Variants in NEK10 observed in about 807,000 individuals in gnomAD.
NEK10 encodes NIMA related kinase 10.
Under a neutral mutation model 159.8 loss-of-function variants are expected in NEK10, and 122 were observed. The observed-to-expected ratio is 0.76, with a 90% CI of 0.66 to 0.89. NEK10 has a LOEUF of 0.89. Among genes scored for constraint, NEK10 ranks in the 40% least tolerant of loss-of-function variants. NEK10 has a pLI of 0.00. For missense variants in NEK10, 1,342 were observed against 1,323.1 expected (o/e 1.01, Z -0.22); for synonymous variants, 466 against 457.1 (o/e 1.02, Z -0.25).
chr3:27,114,363 A>G (rs1053755209), intron 35 of NEK10, among the ~76,000 whole-genome samples: 1 of 152,162 alleles, frequency 6.6e-6, no homozygotes, highest in African/African-American at 2.4e-5. Flanking sequence ...AGTTGTGGAG[A>G]TGGTAATTTC....
rs556715841 is a variant in NEK10 at position 27,179,971 on chromosome 3, C to T, written c.2506-5138G>A. ...TGGCAGGCACCTGTAATCCCAGGTA[C>T]TCGCAAGGCTGAAGCACGAGAATTG... On this transcript the variant is annotated intron_variant, in intron 26 of 35. Coordinates refer to ENST00000691995, the MANE Select transcript of NEK10 (RefSeq NM_001394966.1). Among the ~76,000 whole-genome samples the T allele has an allele frequency of 1.1e-4, 16 of 152,034 alleles. No individual in the cohort carries two copies. In the East Asian group the frequency reaches 2.5e-3, roughly 24 times the overall value.
Position 27,308,946 on chromosome 3 carries a change from A to G in NEK10, c.696T>C (p.Ala232=), listed in dbSNP as rs769411062. Residue 232 remains alanine, a synonymous_variant, in exon 10 of 36, where the codon GCT becomes GCC. Coordinates refer to ENST00000691995, the MANE Select transcript of NEK10 (RefSeq NM_001394966.1). ...CTTACCTTTCTGCTAAACTAGCCAGAGCCAGAAGGGAACCCAATAGAACAT... is the reference window on the plus strand; with the variant it reads ...CTTACCTTTCTGCTAAACTAGCCAGGGCCAGAAGGGAACCCAATAGAACAT... ...DTNVLLGSLL[A]LASLAESQEC... 4 of 1,594,572 alleles carry G rather than the reference A, an allele frequency of 2.5e-6. No homozygotes were observed. Among genetic ancestry groups the G allele is most frequent in the Non-Finnish European group, 3.4e-6 (4 of 1,163,644 alleles).
intron 26 of NEK10, among the ~76,000 whole-genome samples, chr3:27,179,841 G>A (rs932494808): frequency 6.6e-6 from 1 of 152,180 alleles, no homozygotes; most frequent in African/African-American, 2.4e-5. Flanking sequence ...AGCACTTCAG[G>A]AGGCTGAGGC....
chr3:27,352,960 G>A lies in NEK10; in HGVS notation c.-37-41C>T, dbSNP rs1032284762. 80 of 966,078 alleles carry A rather than the reference G, an allele frequency of 8.3e-5. 1 individual carries two copies. Among genetic ancestry groups the A allele is most frequent in the East Asian group, 7.6e-4 (31 of 40,978 alleles). The allele number at this position is 966,078 out of a possible 1,614,324, so 59.8% of individuals were successfully genotyped here. ...AGAGGGAAAATTTTAGTTGGGTTGC[G>A]TGTGCCAAAATATTCTCAGTTAATA... On this transcript the variant is annotated intron_variant, in intron 1 of 35. Transcript: ENST00000691995.
At chr3:27,251,231 T>C (rs1436130293) in intron 23 of NEK10, among the ~76,000 whole-genome samples, 1 of 152,208 alleles carries the variant, frequency 6.6e-6, no homozygotes, top group Non-Finnish European at 1.5e-5. Context: ...ATTCTAGAGT[T>C]TGTGCTCTTG....
chr3:27,156,496 T>A (rs927965081), intron 30 of NEK10, among the ~76,000 whole-genome samples: 1 of 151,992 alleles, frequency 6.6e-6, no homozygotes, highest in African/African-American at 2.4e-5. Flanking sequence ...GCCAAAGATA[T>A]GAATAGACAA....
At chr3:27,118,023 A>G (rs547765048) in intron 33 of NEK10, among the ~76,000 whole-genome samples, 87 of 152,170 alleles carry the variant, frequency 5.7e-4, no homozygotes, top group African/African-American at 2.0e-3. Flanking sequence ...CCCAGTTTCA[A>G]TTTTCTGCAT....
At chr3:27,171,898 T>C (rs778142271) in intron 28 of NEK10, 25 bp from the exon 29 acceptor site, 69 of 1,596,392 alleles carry the variant, frequency 4.3e-5, no homozygotes, top group Non-Finnish European at 5.7e-5. Flanking sequence ...TAGAAATAAC[T>C]TTACATTATT....
intron 13 of NEK10, among the ~76,000 whole-genome samples, chr3:27,301,068 C>T (rs1245672245): frequency 1.3e-5 from 2 of 152,156 alleles, no homozygotes; most frequent in Non-Finnish European, 1.5e-5. Flanking sequence ...CTGTGGGCCG[C>T]TCTAGGGCAC....
At chr3:27,287,894 T>C (rs1391082619) in intron 19 of NEK10, among the ~76,000 whole-genome samples, 151 bp from the exon 20 acceptor site, 1 of 152,222 alleles carries the variant, frequency 6.6e-6, no homozygotes, top group East Asian at 1.9e-4. Flanking sequence ...CGAACTGAGA[T>C]TGTTGTGATT....
intron 23 of NEK10, among the ~76,000 whole-genome samples, chr3:27,221,409 T>C (rs150500354): frequency 1.2e-3 from 182 of 152,346 alleles, no homozygotes; most frequent in African/African-American, 3.8e-3. Flanking sequence ...TGAGATACCA[T>C]GTCATACCCA....
At chr3:27,130,445 T>C (rs1031424620) in intron 32 of NEK10, among the ~76,000 whole-genome samples, 1 of 151,978 alleles carries the variant, frequency 6.6e-6, no homozygotes, top group Admixed American at 6.6e-5. Context: ...ATCTTCTCTA[T>C]CAGGAGAGGA....
chr3:27,166,609 C>T (rs1375916125), intron 29 of NEK10, among the ~76,000 whole-genome samples: 1 of 152,164 alleles, frequency 6.6e-6, no homozygotes, highest in Non-Finnish European at 1.5e-5. Flanking sequence ...CGAGGTCTTT[C>T]CAGTCACAAA....
At chr3:27,250,432 T>G (rs1428933588) in intron 23 of NEK10, among the ~76,000 whole-genome samples, 2 of 152,266 alleles carry the variant, frequency 1.3e-5, no homozygotes, top group African/African-American at 4.8e-5. Flanking sequence ...GTGATCCACC[T>G]GCCTTGGTCT....
At chr3:27,290,840 A>G in intron 18 of NEK10, 86 bp from the exon 19 acceptor site, 4 of 1,013,372 alleles carry the variant, frequency 3.9e-6, no homozygotes, top group Non-Finnish European at 5.8e-6. Flanking sequence ...ATAGACTAAC[A>G]AAGTCACATG....
chr3:27,293,523 T>C, intron 16 of NEK10, 65 bp downstream of exon 16: 1 of 811,308 alleles, frequency 1.2e-6, no homozygotes, highest in Non-Finnish European at 2.0e-6. Flanking sequence ...GCCAAGTATG[T>C]GAAAACAGTT....
chr3:27,364,312 C>T (rs576105054), intron 1 of NEK10, among the ~76,000 whole-genome samples: 27 of 150,606 alleles, frequency 1.8e-4, no homozygotes, highest in African/African-American at 5.9e-4. Flanking sequence ...TCCCAAGTGG[C>T]TGGAATTGCA....
At chr3:27,198,038 CA>C (rs1463830086) in intron 25 of NEK10, among the ~76,000 whole-genome samples, 1 of 151,102 alleles carries the variant, frequency 6.6e-6, no homozygotes, top group African/African-American at 2.4e-5. Flanking sequence ...TTACAATTGC[CA>C]AAAAAAGAAT....
At chr3:27,242,746 G>T (rs1319951430) in intron 23 of NEK10, among the ~76,000 whole-genome samples, 1 of 152,212 alleles carries the variant, frequency 6.6e-6, no homozygotes. Context: ...AGGTGAGGAG[G>T]AGCTGAACAG....
Sources: gnomAD v4.1 joint callset for allele counts (sites outside exome capture counted in the v4.1 genomes callset) on GRCh38, gnomAD v4.1.1 for gene constraint, MANE v1.5 for transcripts, NCBI Gene and HGNC (gene_info 2026-07-23, HGNC 2026-07-21) for gene names.